Variants in RHOBTB1 observed in about 807,000 individuals in gnomAD.
The protein encoded by RHOBTB1 is Rho related BTB domain containing 1, also known as rho-related BTB domain-containing protein 1.
RHOBTB1 carries 40 observed loss-of-function variants against 71.6 expected under a neutral mutation model. That is an observed-to-expected ratio of 0.56 (90% CI 0.43 to 0.73). RHOBTB1 has a LOEUF of 0.73. Among genes scored for constraint, RHOBTB1 ranks in the 30% least tolerant of loss-of-function variants. The probability of loss-of-function intolerance (pLI) is 0.00; values close to 1 mark genes in which losing one functional copy is unlikely to be tolerated. For missense variants in RHOBTB1, 797 were observed against 894.0 expected, an observed-to-expected ratio of 0.89 and a Z score of 1.38; for synonymous variants, 319 against 334.9, an observed-to-expected ratio of 0.95 and a Z score of 0.52.
upstream of RHOBTB1, among the ~76,000 whole-genome samples, chr10:60,948,560 T>C (rs891127261): frequency 1.3e-5 from 2 of 152,206 alleles, no homozygotes; most frequent in Non-Finnish European, 2.9e-5. Context: ...TGTCCATCTC[T>C]CTGCTCTGGA....
Position 60,870,544 on chromosome 10 carries a change from G to A in RHOBTB1, c.*938C>T, listed in dbSNP as rs1218774451. The A allele has an allele frequency of 2.0e-5, 3 of 152,160 alleles. No homozygotes were observed. Among genetic ancestry groups the A allele is most frequent in the East Asian group, 3.9e-4 (2 of 5,192 alleles). 9.4% of individuals were successfully genotyped at this position (152,160 alleles called of 1,614,324 possible). On this transcript the variant is annotated 3_prime_UTR_variant, in exon 11 of 11. Coordinates refer to ENST00000337910, the MANE Select transcript of RHOBTB1 (RefSeq NM_014836.5). ...GTGACAAGCCTGTAGATGGCAGGAG[G>A]GAGTCCAGGGACCTTTTCCCTTGCC...
Position 60,874,969 on chromosome 10 carries a change from G to A in RHOBTB1, c.1800C>T (p.Tyr600=). ...GVGIDGEVLS[Y]LELAQFHNAH... ...TGTTACAAACCTGAGCCAATTCCAA[G>A]TAAGAGAGCACTTCTCCGTCAATGC... is the stretch of plus-strand genomic sequence containing the variant. The change falls in exon 9 of 11, where the codon TAC becomes TAT. Residue 600 remains tyrosine, a synonymous_variant. Transcript: ENST00000337910. 5 of 1,613,572 alleles carry A rather than the reference G, an allele frequency of 3.1e-6. No homozygotes were observed. Among genetic ancestry groups the A allele is most frequent in the South Asian group, 2.2e-5 (2 of 91,082 alleles).
In RHOBTB1 at chr10:60,875,048, GAAGA is replaced by G; in HGVS notation, c.1727-10_1727-7del. On this transcript the variant is annotated splice_region_variant and splice_polypyrimidine_tract_variant and intron_variant, in intron 8 of 10. Transcript: ENST00000337910. ...CTCCTGAACGGCATGCTGTTCTGGG[GAAGA>G]GAGAGGGGGCAGGAGAACATTAAAC... 1.9e-6 allele frequency: 3 copies of G among 1,612,326 alleles called. No individual in the cohort carries two copies. Among genetic ancestry groups the G allele is most frequent in the Non-Finnish European group, 2.5e-6 (3 of 1,178,404 alleles).
At chr10:60,871,974 A>ACC in intron 10 of RHOBTB1, 1 of 628,664 alleles carries the variant, frequency 1.6e-6, no homozygotes, top group Non-Finnish European at 2.8e-6. Context: ...ACTCTAGCCC[A>ACC]CCCAACTCCC....
At chr10:60,876,475 T>C (rs535856233) in intron 8 of RHOBTB1, among the ~76,000 whole-genome samples, 3 of 152,232 alleles carry the variant, frequency 2.0e-5, no homozygotes, top group Non-Finnish European at 4.4e-5. Context: ...AAACTGGTAC[T>C]AGTCTGAGAT....
chr10:60,982,900 C>T (rs903154484), intron 2 of RHOBTB1, among the ~76,000 whole-genome samples: 6 of 152,154 alleles, frequency 3.9e-5, no homozygotes, highest in Non-Finnish European at 7.3e-5. Flanking sequence ...CTTCCGCTCC[C>T]TTCTTATGGT....
chr10:60,920,322 C>A (rs992197247), intron 2 of RHOBTB1, among the ~76,000 whole-genome samples: 1 of 151,966 alleles, frequency 6.6e-6, no homozygotes, highest in Non-Finnish European at 1.5e-5. Context: ...TTGAAAAAAA[C>A]CAAAGGATGT....
intron 2 of RHOBTB1, among the ~76,000 whole-genome samples, chr10:60,961,821 T>A: frequency 6.6e-6 from 1 of 151,530 alleles, no homozygotes; most frequent in Non-Finnish European, 1.5e-5. Context: ...GTTTTTTTTT[T>A]TTTTTGAGAC....
chr10:60,905,180 G>A (rs889862053), intron 4 of RHOBTB1, among the ~76,000 whole-genome samples: 1 of 151,292 alleles, frequency 6.6e-6, no homozygotes, highest in African/African-American at 2.4e-5. Context: ...GCTGGGCATG[G>A]TAGCTCATGC....
rs148931110 is a variant in RHOBTB1, at chr10:60,871,565, G to A, written c.2008C>T (p.Arg670Ter). 1.4e-5 allele frequency: 22 copies of A among 1,613,754 alleles called. No individual in the cohort carries two copies. Among genetic ancestry groups the A allele is most frequent in the Non-Finnish European group, 1.7e-5 (20 of 1,179,966 alleles). The change falls in exon 11 of 11, where the codon CGA (arginine) becomes TGA (stop). Residue 670 changes from arginine to a stop codon, truncating the protein, a stop_gained. Transcript: ENST00000337910. LOFTEE classifies it high-confidence loss of function. ...TTTAGTGCAATATCTTCCTTCTCTCGTTCCCTTTTCACACGCTGGTAGTGA... is the reference window on the plus strand; with the variant it reads ...TTTAGTGCAATATCTTCCTTCTCTCATTCCCTTTTCACACGCTGGTAGTGA... Reference protein sequence around the residue: ...EDHYQRVKREREKEDIALNKH... With the variant: ...EDHYQRVKRE
intron 4 of RHOBTB1, among the ~76,000 whole-genome samples, chr10:60,906,898 A>T (rs528815198): frequency 6.6e-6 from 1 of 152,348 alleles, no homozygotes; most frequent in African/African-American, 2.4e-5. Context: ...CAAATCTCGA[A>T]TCGTAGCTCC....
intron 1 of RHOBTB1, among the ~76,000 whole-genome samples, chr10:60,998,344 G>T (rs2087132018): frequency 6.6e-6 from 1 of 152,218 alleles, no homozygotes; most frequent in African/African-American, 2.4e-5. Flanking sequence ...TCATCACTGT[G>T]CTAGGCCCTG....
At chr10:60,885,640 G>T (rs940291928) in intron 7 of RHOBTB1, among the ~76,000 whole-genome samples, 16 of 152,220 alleles carry the variant, frequency 1.1e-4, no homozygotes, top group Non-Finnish European at 1.8e-4. Context: ...GCACAGGAAT[G>T]CGGCTTCTCA....
intron 4 of RHOBTB1, among the ~76,000 whole-genome samples, chr10:60,907,522 C>T (rs2082738682): frequency 6.6e-6 from 1 of 152,050 alleles, no homozygotes; most frequent in East Asian, 1.9e-4. Flanking sequence ...GGAAAAAAGG[C>T]CATAAGAGAG....
At chr10:60,922,243 G>T (rs1463866981) in intron 2 of RHOBTB1, among the ~76,000 whole-genome samples, 1 of 152,114 alleles carries the variant, frequency 6.6e-6, no homozygotes, top group Admixed American at 6.5e-5. Context: ...TATGGATAAT[G>T]ATTTATAACT....
intron 2 of RHOBTB1, among the ~76,000 whole-genome samples, chr10:60,985,561 A>T (rs1419093839): frequency 1.3e-5 from 2 of 152,244 alleles, no homozygotes; most frequent in Admixed American, 1.3e-4. Context: ...TTAACTGTGT[A>T]TAAAGTGGAT....
chr10:60,952,002 G>A (rs1349592751), intron 2 of RHOBTB1, among the ~76,000 whole-genome samples: 2 of 152,112 alleles, frequency 1.3e-5, no homozygotes, highest in East Asian at 3.9e-4. Context: ...AGGTTGCAGT[G>A]AGCTGAGATC....
At chr10:60,943,869 A>G (rs10994579) in intron 1 of RHOBTB1, 102 bp downstream of exon 1, 82,627 of 152,028 alleles carry the variant, frequency 0.54, 22,823 homozygotes, top group East Asian at 0.78. Flanking sequence ...GGCACGGCCC[A>G]GGGCCCCCAC....
intron 2 of RHOBTB1, among the ~76,000 whole-genome samples, chr10:60,967,627 C>T (rs2086016875): frequency 1.3e-5 from 2 of 151,946 alleles, no homozygotes; most frequent in Non-Finnish European, 2.9e-5. Flanking sequence ...AAACGATAGA[C>T]TACTATTGCA....
Sources: allele counts gnomAD v4.1 joint callset (sites outside exome capture counted in the v4.1 genomes callset), GRCh38; gene constraint gnomAD v4.1.1; transcripts MANE v1.5; gene names NCBI Gene and HGNC (gene_info 2026-07-23, HGNC 2026-07-21).